RRP1B: variants seen among roughly 807,000 people sequenced by gnomAD.
RRP1B encodes the protein ribosomal RNA processing protein 1 homolog B.
A neutral mutation model predicts 80.2 loss-of-function variants in RRP1B; 56 were observed. That is an observed-to-expected ratio of 0.70 (90% CI 0.56 to 0.87). RRP1B has a LOEUF of 0.87. Among genes scored for constraint, RRP1B ranks in the 40% least tolerant of loss-of-function variants. The pLI, the probability that RRP1B is intolerant of heterozygous loss-of-function variation, is 0.00. For synonymous variants in RRP1B, 351 were observed against 357.6 expected, an observed-to-expected ratio of 0.98 and a Z score of 0.21; for missense variants, 807 against 939.8, an observed-to-expected ratio of 0.86 and a Z score of 1.85.
chr21:43,675,477 G>T (rs1209492352), intron 6 of RRP1B, among the ~76,000 whole-genome samples: 1 of 152,162 alleles, frequency 6.6e-6, no homozygotes, highest in East Asian at 1.9e-4. Context: ...TATGCAAATG[G>T]TAGACATTTT....
chr21:43,677,654 T>G (rs2083027963), intron 8 of RRP1B, among the ~76,000 whole-genome samples: 1 of 152,252 alleles, frequency 6.6e-6, no homozygotes, highest in African/African-American at 2.4e-5. Context: ...GAGTCTGATT[T>G]GTTGTTTGGG....
rs562582886 is a variant in RRP1B, at chr21:43,682,707, G to T, written c.797-572G>T. 2.0e-5 allele frequency among the ~76,000 whole-genome samples: 3 copies of T among 152,222 alleles called. No homozygotes were observed. In the South Asian group the frequency reaches 6.2e-4, roughly 31 times the overall value. The stretch of plus-strand genomic sequence containing the variant: ...CCTTCGTCCTAACGGGACCACGTGT[G>T]GGGGAGGAAATCATCGAAGGCAGCA... On this transcript the variant is annotated intron_variant, in intron 8 of 15. Coordinates refer to ENST00000340648, the MANE Select transcript of RRP1B (RefSeq NM_015056.3).
chr21:43,660,650 G>A lies in RRP1B; in HGVS notation c.130+856G>A, dbSNP rs561325938. Among the ~76,000 whole-genome samples, 126 of 152,314 alleles carry A rather than the reference G, an allele frequency of 8.3e-4. 1 individual carries two copies. The highest frequency in any genetic ancestry group is 6.8e-3 in the Middle Eastern group (2 of 292). On this transcript the variant is annotated intron_variant, in intron 1 of 15. Coordinates refer to ENST00000340648, the MANE Select transcript of RRP1B (RefSeq NM_015056.3). ...TGCTCTTCTTGATAGGCTGTTCTGG[G>A]AAGGCCTCTCTGGGCTGATAATCAG... is the stretch of plus-strand genomic sequence containing the variant.
In RRP1B at chr21:43,693,224, T is replaced by C. The variant is rs1438378409; in HGVS notation, c.2118T>C (p.Ser706=). Residue 706 remains serine (S), a synonymous_variant, in exon 16 of 16, where the codon AGT becomes AGC. Coordinates refer to ENST00000340648, the MANE Select transcript of RRP1B (RefSeq NM_015056.3). The surrounding 1 kb of genome is among the most constrained non-coding windows in gnomAD (Gnocchi z 4.1). ...FKKTDKSILV[S]PTGPSRVAFD... The stretch of plus-strand genomic sequence containing the variant: ...AGACAGACAAGAGTATCTTGGTCAG[T>C]CCCACGGGCCCTTCTCGAGTGGCCT... 2 of 1,614,036 alleles carry C rather than the reference T, an allele frequency of 1.2e-6. No homozygotes were observed. Among genetic ancestry groups the C allele is most frequent in the East Asian group, 2.2e-5 (1 of 44,864 alleles).
rs1317730479 is a variant in RRP1B at position 43,693,063 on chromosome 21, C to T, written c.2084-127C>T. 10 of 928,038 alleles carry T rather than the reference C, an allele frequency of 1.1e-5. 1 individual carries two copies. The African/African-American group carries it at 1.5e-4, about 14-fold the overall frequency. The allele number at this position is 928,038 out of a possible 1,614,324, so 57.5% of individuals were successfully genotyped here. A position where few individuals can be genotyped will look rare whatever the true frequency, so the allele number is the denominator to read the frequency against. On this transcript the variant is annotated intron_variant, in intron 15 of 15. Transcript: ENST00000340648. The surrounding 1 kb of genome is among the most constrained non-coding windows in gnomAD (Gnocchi z 4.1). Reference sequence around the variant, plus strand: ...CTCTTGGGCCTGCTCTCTGCAGGGCCTTGAGATGGCCCTGCTTCGTCCTAG... The same window carrying T: ...CTCTTGGGCCTGCTCTCTGCAGGGCTTTGAGATGGCCCTGCTTCGTCCTAG...
Position 43,691,536 on chromosome 21 carries a change from G to A in RRP1B, c.2083+34G>A, listed in dbSNP as rs372654914. 1.2e-6 allele frequency: 2 copies of A among 1,606,042 alleles called. No individual in the cohort carries two copies. The highest frequency in any genetic ancestry group is 1.7e-5 in the Admixed American group (1 of 59,954). ...GGTTTTGCCAGCGGCAAGCTTCTCT[G>A]GAGCACAGCTGCAGCTCCTGGCGCG... On this transcript the variant is annotated intron_variant, in intron 15 of 15. Coordinates refer to ENST00000340648, the MANE Select transcript of RRP1B (RefSeq NM_015056.3). The surrounding 1 kb of genome is among the most constrained non-coding windows in gnomAD (Gnocchi z 4.2).
intron 1 of RRP1B, among the ~76,000 whole-genome samples, chr21:43,667,159 G>A (rs888617487): frequency 5.9e-5 from 9 of 152,078 alleles, no homozygotes; most frequent in African/African-American, 9.7e-5. Context: ...GTTAATGATC[G>A]GTCGGTGGGT....
intron 1 of RRP1B, among the ~76,000 whole-genome samples, chr21:43,663,363 T>G (rs1208246433): frequency 1.3e-5 from 2 of 152,132 alleles, no homozygotes; most frequent in African/African-American, 4.8e-5. Flanking sequence ...CCTTCCAGTT[T>G]CAAGCAATTC....
intron 8 of RRP1B, among the ~76,000 whole-genome samples, chr21:43,682,790 C>G (rs1164674053): frequency 2.0e-5 from 3 of 152,234 alleles, no homozygotes; most frequent in African/African-American, 7.2e-5. Flanking sequence ...CCAGACTTAC[C>G]TTCATTCCCA....
intron 8 of RRP1B, among the ~76,000 whole-genome samples, chr21:43,678,760 C>A (rs2147169488): frequency 6.6e-6 from 1 of 152,276 alleles, no homozygotes; most frequent in Non-Finnish European, 1.5e-5. Context: ...TGTGCAGAAG[C>A]TTTTTAGTTT....
intron 13 of RRP1B, 111 bp downstream of exon 13, chr21:43,688,351 AC>A: frequency 6.2e-6 from 8 of 1,294,478 alleles, no homozygotes; most frequent in Non-Finnish European, 8.4e-6. Context: ...AGGCCTCTGG[AC>A]TCAGCAGCAG....
Position 43,674,714 on chromosome 21 carries a change from AG to A in RRP1B, c.419+18del. On this transcript the variant is annotated intron_variant, in intron 5 of 15. Transcript: ENST00000340648. ...GGAAGAAAGGTCAGTAAACCATTTG[AG>A]TTAGCATGTGGTAGCCTTAAAACTT... 6.3e-7 allele frequency: 1 copy of A among 1,581,998 alleles called. No individual in the cohort carries two copies. Among genetic ancestry groups the A allele is most frequent in the Non-Finnish European group, 8.6e-7 (1 of 1,166,350 alleles).
At position 43,690,361 on chromosome 21, in the gene RRP1B, C is replaced by T; in HGVS notation, c.1940C>T (p.Thr647Ile). 1 of 1,614,220 alleles carries T rather than the reference C, an allele frequency of 6.2e-7. No individual in the cohort carries two copies. The highest frequency in any genetic ancestry group is 8.5e-7 in the Non-Finnish European group (1 of 1,180,014). Residue 647 changes from threonine (T) to isoleucine (I), a missense_variant, in exon 14 of 16, where the codon ACC becomes ATC. Coordinates refer to ENST00000340648, the MANE Select transcript of RRP1B (RefSeq NM_015056.3). Reference sequence around the variant, plus strand: ...GAGAGCGACTTTGTGAAGTTTGACACCCCCTTCTTACCAAAGCCCCTGTTC... The same window carrying T: ...GAGAGCGACTTTGTGAAGTTTGACATCCCCTTCTTACCAAAGCCCCTGTTC... ...RAESDFVKFD[T>I]PFLPKPLFFR...
intron 8 of RRP1B, among the ~76,000 whole-genome samples, chr21:43,680,267 G>A (rs1409106463): frequency 6.6e-6 from 1 of 152,036 alleles, no homozygotes; most frequent in Non-Finnish European, 1.5e-5. Context: ...TATTTATTTA[G>A]AGACAGGGTC....
At chr21:43,667,766 A>C (rs962652444) in intron 1 of RRP1B, among the ~76,000 whole-genome samples, 1 of 152,184 alleles carries the variant, frequency 6.6e-6, no homozygotes, top group African/African-American at 2.4e-5. Context: ...CCACGTGAGG[A>C]TCCCCAGGCA....
chr21:43,681,239 T>C (rs1460763915), intron 8 of RRP1B, among the ~76,000 whole-genome samples: 2 of 149,940 alleles, frequency 1.3e-5, no homozygotes, highest in African/African-American at 4.9e-5. Context: ...CAAAACACTG[T>C]CTCAAAAAAT....
At chr21:43,682,911 C>T (rs1037310270) in intron 8 of RRP1B, among the ~76,000 whole-genome samples, 13 of 152,208 alleles carry the variant, frequency 8.5e-5, no homozygotes, top group Admixed American at 3.9e-4. Flanking sequence ...GTCTCGTTGT[C>T]GCCCGGGCTG....
At chr21:43,683,153 G>T in intron 8 of RRP1B, 126 bp from the exon 9 acceptor site, 1 of 660,518 alleles carries the variant, frequency 1.5e-6, no homozygotes, top group Non-Finnish European at 2.6e-6. Context: ...AATTACAGGC[G>T]TGAGCCACCG....
chr21:43,660,410 A>G (rs1464547337), intron 1 of RRP1B, among the ~76,000 whole-genome samples: 3 of 152,128 alleles, frequency 2.0e-5, no homozygotes, highest in Non-Finnish European at 2.9e-5. Context: ...CTAAAAATAC[A>G]GAATTAGCCG....
Sources: gnomAD v4.1 joint callset for allele counts (sites outside exome capture counted in the v4.1 genomes callset) on GRCh38, gnomAD v4.1.1 for gene constraint, Gnocchi (gnomAD v3.1) non-coding constraint, MANE v1.5 for transcripts, NCBI Gene and HGNC (gene_info 2026-07-23, HGNC 2026-07-21) for gene names.